CACNA2D3: variants seen among roughly 807,000 people sequenced by gnomAD.
The protein encoded by CACNA2D3 is voltage-dependent calcium channel subunit alpha-2/delta-3.
CACNA2D3 carries 60 observed loss-of-function variants against 160.6 expected under a neutral mutation model. The ratio of observed to expected loss-of-function variants is 0.37; its 90% CI spans 0.30 to 0.46. The LOEUF is 0.46. CACNA2D3 is among the 20% of genes least tolerant of loss of function. The probability of loss-of-function intolerance (pLI) is 1.00; values close to 1 mark genes in which losing one functional copy is unlikely to be tolerated. For missense variants in CACNA2D3, 1,205 were observed against 1,365.0 expected (o/e 0.88, Z 1.85); for synonymous variants, 558 against 492.9 (o/e 1.13, Z -1.75).
intron 3 of CACNA2D3, among the ~76,000 whole-genome samples, chr3:54,348,610 T>C (rs1451656666): frequency 6.6e-6 from 1 of 152,260 alleles, no homozygotes; most frequent in African/African-American, 2.4e-5. Context: ...TGGCCGTAAC[T>C]CAAGTTTTTC....
chr3:54,450,759 A>T (rs1700292383), intron 4 of CACNA2D3, among the ~76,000 whole-genome samples: 1 of 152,084 alleles, frequency 6.6e-6, no homozygotes, highest in Non-Finnish European at 1.5e-5. Context: ...GTATTCCTTT[A>T]TAGCAACACT....
chr3:54,516,182 C>T (rs916691252), intron 5 of CACNA2D3, among the ~76,000 whole-genome samples: 2 of 152,332 alleles, frequency 1.3e-5, no homozygotes, highest in Middle Eastern at 3.4e-3. Context: ...GGGATGTTCT[C>T]TGCTCAGGGC....
intron 13 of CACNA2D3, among the ~76,000 whole-genome samples, chr3:54,801,589 G>T (rs1413041154): frequency 2.0e-5 from 3 of 152,102 alleles, no homozygotes; most frequent in African/African-American, 7.2e-5. Flanking sequence ...ATCATAAAGT[G>T]ATTTAACATG....
In CACNA2D3 at chr3:54,448,604, A is replaced by G. The variant is rs188413343; in HGVS notation, c.382-54888A>G. ...AAGTGTCCCTTACAAAAAAGTGTCA[A>G]TGTGCTAACAAGTGGAAAAACGAGT... On this transcript the variant is annotated intron_variant, in intron 4 of 37. Transcript: ENST00000474759. 2.2e-3 allele frequency among the ~76,000 whole-genome samples: 340 copies of G among 152,284 alleles called. 3 individuals are homozygous for G. Among genetic ancestry groups the G allele is most frequent in the African/African-American group, 7.9e-3 (327 of 41,556 alleles).
At chr3:54,410,208 G>T (rs760740635) in intron 4 of CACNA2D3, among the ~76,000 whole-genome samples, 1 of 152,098 alleles carries the variant, frequency 6.6e-6, no homozygotes, top group Non-Finnish European at 1.5e-5. Context: ...CAAAAAAATA[G>T]CCAGGCGTGG....
At chr3:54,167,427 C>T (rs185003997) in intron 2 of CACNA2D3, among the ~76,000 whole-genome samples, 24 of 152,262 alleles carry the variant, frequency 1.6e-4, no homozygotes, top group Non-Finnish European at 3.1e-4. Flanking sequence ...TTCCTTATAC[C>T]CATCTGCCAT....
intron 4 of CACNA2D3, among the ~76,000 whole-genome samples, chr3:54,394,330 T>TATTA (rs1553645780): frequency 6.6e-6 from 1 of 151,290 alleles, no homozygotes; most frequent in African/African-American, 2.4e-5. Flanking sequence ...TTTTTTTTTT[T>TATTA]TTATTATTAT....
chr3:54,978,871 A>G (rs932701328), intron 29 of CACNA2D3, among the ~76,000 whole-genome samples: 4 of 152,246 alleles, frequency 2.6e-5, no homozygotes, highest in African/African-American at 9.6e-5. Context: ...AGAACTTAAT[A>G]ACAGGTTATA....
intron 3 of CACNA2D3, among the ~76,000 whole-genome samples, chr3:54,373,381 T>G (rs1342501621): frequency 6.6e-6 from 1 of 152,192 alleles, no homozygotes; most frequent in African/African-American, 2.4e-5. Context: ...TCAGGTCATT[T>G]GGATTTTGTT....
chr3:54,420,046 G>A (rs534569575), intron 4 of CACNA2D3, among the ~76,000 whole-genome samples: 1 of 151,208 alleles, frequency 6.6e-6, no homozygotes, highest in East Asian at 2.0e-4. Flanking sequence ...GATTACAGGC[G>A]TGAGCTACTG....
chr3:54,739,807 A>ATG (rs960144871), intron 11 of CACNA2D3, among the ~76,000 whole-genome samples: 9 of 150,244 alleles, frequency 6.0e-5, no homozygotes, highest in South Asian at 4.2e-4. Flanking sequence ...AATTATATAT[A>ATG]TGTGTGTGTG....
intron 2 of CACNA2D3, among the ~76,000 whole-genome samples, chr3:54,174,783 C>A (rs890289187): frequency 6.6e-6 from 1 of 152,196 alleles, no homozygotes; most frequent in Non-Finnish European, 1.5e-5. Context: ...CCTTGGCCTC[C>A]CAAAGTGCTG....
intron 3 of CACNA2D3, among the ~76,000 whole-genome samples, chr3:54,365,853 C>T (rs926505481): frequency 6.6e-6 from 1 of 152,154 alleles, no homozygotes; most frequent in Non-Finnish European, 1.5e-5. Context: ...CAGAGCGAGA[C>T]TCCATCTCAA....
intron 34 of CACNA2D3, among the ~76,000 whole-genome samples, chr3:55,011,847 A>G (rs1221315277): frequency 1.3e-5 from 2 of 152,322 alleles, no homozygotes; most frequent in African/African-American, 4.8e-5. Context: ...AACCTACTAA[A>G]TGCGCACTTG....
At chr3:54,720,649 G>A (rs904857803) in intron 11 of CACNA2D3, among the ~76,000 whole-genome samples, 1 of 152,026 alleles carries the variant, frequency 6.6e-6, no homozygotes, top group African/African-American at 2.4e-5. Context: ...AGTCTCTACT[G>A]ATTGCTGTAT....
At chr3:54,268,170 A>G (rs574465446) in intron 2 of CACNA2D3, among the ~76,000 whole-genome samples, 5 of 152,292 alleles carry the variant, frequency 3.3e-5, no homozygotes, top group African/African-American at 7.2e-5. Context: ...AGCAGCTCAT[A>G]TGACAAATTT....
At chr3:54,702,835 C>G (rs549774541) in intron 11 of CACNA2D3, among the ~76,000 whole-genome samples, 74 of 152,268 alleles carry the variant, frequency 4.9e-4, no homozygotes, top group Middle Eastern at 3.4e-3. Flanking sequence ...ATGTAGATGC[C>G]TGTAAATGGT....
At chr3:54,920,636 A>T (rs1334959085) in intron 27 of CACNA2D3, among the ~76,000 whole-genome samples, 4 of 152,156 alleles carry the variant, frequency 2.6e-5, no homozygotes, top group Admixed American at 6.5e-5. Context: ...TGACCATAGG[A>T]GCCTCTGCCA....
intron 2 of CACNA2D3, among the ~76,000 whole-genome samples, chr3:54,169,939 G>A (rs942629413): frequency 3.8e-4 from 58 of 152,200 alleles, no homozygotes; most frequent in Middle Eastern, 6.8e-3. Context: ...TGTAATCCCC[G>A]CAGTATGGGT....
Sources: gnomAD v4.1 joint callset for allele counts (sites outside exome capture counted in the v4.1 genomes callset) on GRCh38, gnomAD v4.1.1 for gene constraint, MANE v1.5 for transcripts, NCBI Gene and HGNC (gene_info 2026-07-23, HGNC 2026-07-21) for gene names.